CALN1: variants seen among roughly 807,000 people sequenced by gnomAD.
The protein encoded by CALN1 is calcium-binding protein 8.
CALN1 carries 17 observed loss-of-function variants against 30.6 expected under a neutral mutation model. That is an observed-to-expected ratio of 0.56 (90% CI 0.38 to 0.83). The LOEUF (loss-of-function observed/expected upper bound fraction) is 0.83. Among genes scored for constraint, CALN1 ranks in the 40% least tolerant of loss-of-function variants. The probability of loss-of-function intolerance (pLI) is 0.00; values close to 1 mark genes in which losing one functional copy is unlikely to be tolerated. For missense variants in CALN1, 291 were observed against 354.9 expected (o/e 0.82, Z 1.45); for synonymous variants, 156 against 131.4 (o/e 1.19, Z -1.28).
intron 4 of CALN1, among the ~76,000 whole-genome samples, chr7:72,028,289 G>A (rs143714858): frequency 2.0e-5 from 3 of 152,120 alleles, no homozygotes; most frequent in African/African-American, 4.8e-5. Flanking sequence ...CTGAAACCTC[G>A]ACTCAGGGTG....
the CALN1 span, among the ~76,000 whole-genome samples, chr7:72,482,567 G>A: frequency 6.6e-6 from 1 of 151,868 alleles, no homozygotes; most frequent in Non-Finnish European, 1.5e-5. Context: ...CTTTATGACA[G>A]TCTACCTTCA....
At chr7:72,235,996 C>A (rs967205398) in intron 3 of CALN1, among the ~76,000 whole-genome samples, 1 of 150,678 alleles carries the variant, frequency 6.6e-6, no homozygotes, top group African/African-American at 2.4e-5. Context: ...GTAATCCCAG[C>A]TCTTAGGGAG....
At chr7:71,856,697 A>G (rs978886453) in intron 5 of CALN1, among the ~76,000 whole-genome samples, 5 of 152,126 alleles carry the variant, frequency 3.3e-5, no homozygotes, top group Non-Finnish European at 7.3e-5. Flanking sequence ...GCTCATGCCT[A>G]TAATCCCAGC....
At chr7:72,336,349 G>A (rs1802035468) in intron 2 of CALN1, among the ~76,000 whole-genome samples, 1 of 152,104 alleles carries the variant, frequency 6.6e-6, no homozygotes, top group Non-Finnish European at 1.5e-5. Flanking sequence ...GCGCAGCCTG[G>A]TGGCCACTGG....
intron 5 of CALN1, among the ~76,000 whole-genome samples, chr7:71,909,013 G>T (rs1367667911): frequency 1.3e-5 from 2 of 152,110 alleles, no homozygotes; most frequent in African/African-American, 4.8e-5. Flanking sequence ...ACATTTTATT[G>T]ATTGATTGAT....
chr7:72,217,493 C>CA (rs1214732539), intron 3 of CALN1, among the ~76,000 whole-genome samples: 1 of 152,164 alleles, frequency 6.6e-6, no homozygotes, highest in Non-Finnish European at 1.5e-5. Context: ...CTTCAAAGAG[C>CA]AAAGTGTGGG....
chr7:72,340,836 G>C (rs916191095), intron 2 of CALN1, among the ~76,000 whole-genome samples: 1 of 152,162 alleles, frequency 6.6e-6, no homozygotes, highest in Non-Finnish European at 1.5e-5. Flanking sequence ...AGTCTCACAA[G>C]ATCTGATGGT....
chr7:72,163,177 C>T (rs1232456810), intron 3 of CALN1, among the ~76,000 whole-genome samples: 1 of 152,074 alleles, frequency 6.6e-6, no homozygotes, highest in African/African-American at 2.4e-5. Context: ...GAAATAAAAA[C>T]TAAGTCCCAA....
chr7:71,883,452 C>G (rs17137575), intron 5 of CALN1, among the ~76,000 whole-genome samples: 1 of 151,976 alleles, frequency 6.6e-6, no homozygotes, highest in Non-Finnish European at 1.5e-5. Context: ...AGCTCCTAAG[C>G]TGTAAGTCAC....
At chr7:72,179,805 A>G (rs577653700) in intron 3 of CALN1, among the ~76,000 whole-genome samples, 3 of 152,300 alleles carry the variant, frequency 2.0e-5, no homozygotes, top group Non-Finnish European at 4.4e-5. Context: ...ACGCACTGCA[A>G]TGCACATCTA....
chr7:72,034,576 G>C (rs1315265811), intron 4 of CALN1, among the ~76,000 whole-genome samples: 1 of 151,568 alleles, frequency 6.6e-6, no homozygotes, highest in Non-Finnish European at 1.5e-5. Flanking sequence ...CAGATCACTT[G>C]AGGCTAGGAG....
intron 2 of CALN1, among the ~76,000 whole-genome samples, chr7:72,317,091 A>AGAAAGAGAGG: frequency 8.2e-6 from 1 of 122,386 alleles, no homozygotes; most frequent in South Asian, 3.6e-4. Context: ...AGAGAGAGAG[A>AGAAAGAGAGG]GAGGGAGGGA....
At chr7:71,807,488 C>T (rs1245740994) in intron 6 of CALN1, among the ~76,000 whole-genome samples, 5 of 152,090 alleles carry the variant, frequency 3.3e-5, no homozygotes, top group Non-Finnish European at 7.4e-5. Context: ...GTCTGGGGGA[C>T]AAACAACCCT....
At chr7:72,088,467 G>A (rs1195334403) in intron 4 of CALN1, among the ~76,000 whole-genome samples, 1 of 152,112 alleles carries the variant, frequency 6.6e-6, no homozygotes, top group Non-Finnish European at 1.5e-5. Flanking sequence ...GAGAGGCCCA[G>A]GCAGGTGGAT....
chr7:72,131,074 A>G (rs1406489095), intron 3 of CALN1, among the ~76,000 whole-genome samples: 1 of 152,192 alleles, frequency 6.6e-6, no homozygotes, highest in Admixed American at 6.5e-5. Flanking sequence ...GTAGGTAAGG[A>G]CATGATGCTG....
At chr7:72,336,509 A>T (rs917554929) in intron 2 of CALN1, among the ~76,000 whole-genome samples, 1 of 151,570 alleles carries the variant, frequency 6.6e-6, no homozygotes, top group Admixed American at 6.6e-5. Context: ...CGCGGCCCCC[A>T]GCCCGCGGGG....
chr7:71,898,194 G>T (rs1449377470), intron 5 of CALN1, among the ~76,000 whole-genome samples: 2 of 152,056 alleles, frequency 1.3e-5, no homozygotes, highest in Non-Finnish European at 2.9e-5. Context: ...GCTGGGCATG[G>T]TGGCACTTGC....
intron 4 of CALN1, among the ~76,000 whole-genome samples, chr7:72,046,521 G>A (rs1345839581): frequency 6.6e-6 from 1 of 151,900 alleles, no homozygotes; most frequent in Non-Finnish European, 1.5e-5. Flanking sequence ...AGACCAGCAT[G>A]GCCAACATGG....
intron 5 of CALN1, among the ~76,000 whole-genome samples, chr7:71,911,390 G>C (rs10487618): frequency 0.83 from 126,379 of 151,990 alleles, 52,776 homozygotes; most frequent in East Asian, 0.98. Flanking sequence ...TCACTGCAAG[G>C]AACCACGCTC....
Sources: gnomAD v4.1 joint callset for allele counts (sites outside exome capture counted in the v4.1 genomes callset) on GRCh38, gnomAD v4.1.1 for gene constraint, MANE v1.5 for transcripts, NCBI Gene and HGNC (gene_info 2026-07-23, HGNC 2026-07-21) for gene names.